The following AKAP6 variants were observed in gnomAD, a reference collection of about 807,000 sequenced individuals.
The protein encoded by AKAP6 is A-kinase anchoring protein 6.
AKAP6 carries 58 observed loss-of-function variants against 188.5 expected under a neutral mutation model. The ratio of observed to expected loss-of-function variants is 0.31; its 90% CI spans 0.25 to 0.38. The LOEUF is 0.38. Ranked by LOEUF, AKAP6 falls within the 10% of genes least tolerant of loss-of-function variation. AKAP6 has a pLI of 1.00. For synonymous variants in AKAP6, 989 were observed against 998.6 expected (o/e 0.99, Z 0.18); for missense variants, 2,710 against 2,740.0 (o/e 0.99, Z 0.24).
chr14:32,505,872 G>A (rs1880846475), intron 2 of AKAP6, among the ~76,000 whole-genome samples: 1 of 152,026 alleles, frequency 6.6e-6, no homozygotes, highest in African/African-American at 2.4e-5. Context: ...CTTACATGGT[G>A]GCTAATTTTC....
chr14:32,605,078 G>A (rs1208051171), intron 7 of AKAP6, among the ~76,000 whole-genome samples: 1 of 152,006 alleles, frequency 6.6e-6, no homozygotes, highest in Admixed American at 6.6e-5. Flanking sequence ...TGTGGTGTTT[G>A]GTTTTCTGTT....
At chr14:32,418,921 G>A (rs770034957) in intron 1 of AKAP6, among the ~76,000 whole-genome samples, 5 of 152,008 alleles carry the variant, frequency 3.3e-5, no homozygotes, top group Non-Finnish European at 5.9e-5. Flanking sequence ...TAGAAAATAC[G>A]CATTTTATGT....
At chr14:32,631,706 A>C (rs1447433354) in intron 7 of AKAP6, among the ~76,000 whole-genome samples, 2 of 152,092 alleles carry the variant, frequency 1.3e-5, no homozygotes, top group Non-Finnish European at 2.9e-5. Flanking sequence ...AAGTAGCCTT[A>C]GAATAAGCTG....
intron 2 of AKAP6, among the ~76,000 whole-genome samples, chr14:32,487,913 G>A (rs1231696081): frequency 6.6e-6 from 1 of 152,194 alleles, no homozygotes; most frequent in East Asian, 1.9e-4. Flanking sequence ...TCCTCTGGAA[G>A]CTTCGTCCCA....
intron 1 of AKAP6, among the ~76,000 whole-genome samples, chr14:32,332,036 G>A (rs1886549686): frequency 6.6e-6 from 1 of 152,000 alleles, no homozygotes. Flanking sequence ...TAAGTTTTGT[G>A]TATATCTTAT....
chr14:32,351,936 C>T (rs908390364), intron 1 of AKAP6, among the ~76,000 whole-genome samples: 9 of 151,930 alleles, frequency 5.9e-5, no homozygotes, highest in Non-Finnish European at 1.3e-4. Context: ...TTTCATTTCT[C>T]CTTGTAACAG....
At chr14:32,664,891 T>C (rs576844693) in intron 7 of AKAP6, among the ~76,000 whole-genome samples, 1 of 152,242 alleles carries the variant, frequency 6.6e-6, no homozygotes, top group East Asian at 1.9e-4. Context: ...TACTTTTTCA[T>C]GCTCTACTCA....
At chr14:32,522,794 G>T (rs566483081) in intron 2 of AKAP6, among the ~76,000 whole-genome samples, 5 of 152,186 alleles carry the variant, frequency 3.3e-5, no homozygotes, top group Admixed American at 1.3e-4. Context: ...ATTCCTCGGG[G>T]ATCTAGAACT....
intron 4 of AKAP6, among the ~76,000 whole-genome samples, chr14:32,570,678 T>C (rs561524190): frequency 4.7e-4 from 72 of 152,318 alleles, no homozygotes; most frequent in African/African-American, 1.7e-3. Context: ...ATCTTACAGA[T>C]GAAGAAACTA....
chr14:32,698,605 T>C (rs1456359347), intron 9 of AKAP6, among the ~76,000 whole-genome samples: 2 of 152,108 alleles, frequency 1.3e-5, no homozygotes, highest in Non-Finnish European at 2.9e-5. Context: ...TCCCCACTCA[T>C]TGTGACAACT....
intron 1 of AKAP6, among the ~76,000 whole-genome samples, chr14:32,363,301 G>A (rs1008562310): frequency 2.0e-5 from 3 of 152,164 alleles, no homozygotes; most frequent in Non-Finnish European, 4.4e-5. Flanking sequence ...CAGAGGAGAT[G>A]TGTATTAGTC....
chr14:32,486,600 T>C (rs928543965), intron 2 of AKAP6, among the ~76,000 whole-genome samples: 2 of 152,340 alleles, frequency 1.3e-5, no homozygotes, highest in East Asian at 3.9e-4. Context: ...AGTTCACTCA[T>C]GATTTGACTC....
At chr14:32,554,838 G>A (rs1390532360) in intron 4 of AKAP6, among the ~76,000 whole-genome samples, 11 of 152,252 alleles carry the variant, frequency 7.2e-5, no homozygotes, top group Admixed American at 4.6e-4. Context: ...GGGATATAGC[G>A]CATGGTCCGC....
intron 4 of AKAP6, among the ~76,000 whole-genome samples, chr14:32,564,067 C>A (rs183531519): frequency 3.9e-5 from 6 of 152,226 alleles, no homozygotes; most frequent in Middle Eastern, 3.4e-3. Flanking sequence ...TGCATATAAC[C>A]TACACACCTT....
At chr14:32,512,519 T>G (rs961191135) in intron 2 of AKAP6, among the ~76,000 whole-genome samples, 4 of 152,180 alleles carry the variant, frequency 2.6e-5, no homozygotes, top group African/African-American at 4.8e-5. Context: ...ATTATTTGAA[T>G]GAACCCTTCA....
intron 11 of AKAP6, 110 bp from the exon 12 acceptor site, chr14:32,773,568 G>A (rs2032960859): frequency 9.8e-7 from 1 of 1,020,146 alleles, no homozygotes; most frequent in Non-Finnish European, 1.5e-6. Context: ...CCTATTGTTG[G>A]TAGCTGAGTG....
intron 2 of AKAP6, among the ~76,000 whole-genome samples, chr14:32,456,646 G>A (rs1891154092): frequency 6.6e-6 from 1 of 152,152 alleles, no homozygotes; most frequent in Non-Finnish European, 1.5e-5. Context: ...TCAAATGGCT[G>A]GGTCAAAATA....
At chr14:32,578,616 G>A (rs1291673609) in intron 5 of AKAP6, among the ~76,000 whole-genome samples, 1 of 152,154 alleles carries the variant, frequency 6.6e-6, no homozygotes, top group African/African-American at 2.4e-5. Flanking sequence ...GCATTGTTCT[G>A]ACAGAAATTC....
chr14:32,570,804 T>C (rs1884442962), intron 4 of AKAP6, among the ~76,000 whole-genome samples: 1 of 152,200 alleles, frequency 6.6e-6, no homozygotes, highest in Non-Finnish European at 1.5e-5. Flanking sequence ...AAGCACTTTT[T>C]CCCCTCTTTT....
Sources: gnomAD v4.1 joint callset for allele counts (sites outside exome capture counted in the v4.1 genomes callset) on GRCh38, gnomAD v4.1.1 for gene constraint, MANE v1.5 for transcripts, NCBI Gene and HGNC (gene_info 2026-07-23, HGNC 2026-07-21) for gene names.